The following USP25 variants were observed in gnomAD, a reference collection of about 807,000 sequenced individuals.
USP25 encodes ubiquitin carboxyl-terminal hydrolase 25.
A neutral mutation model predicts 158.5 loss-of-function variants in USP25; 85 were observed. The observed-to-expected ratio is 0.54, with a 90% CI of 0.45 to 0.64. The LOEUF (loss-of-function observed/expected upper bound fraction) is 0.64, where lower values mean the gene tolerates loss of function less well. USP25 is among the 30% of genes least tolerant of loss of function. The pLI, the probability that USP25 is intolerant of heterozygous loss-of-function variation, is 0.00. For synonymous variants in USP25, 464 were observed against 460.4 expected (o/e 1.01, Z -0.10); for missense variants, 1,242 against 1,327.3 (o/e 0.94, Z 1.00).
chr21:15,743,510 G>A (rs998958072), intron 1 of USP25, among the ~76,000 whole-genome samples: 1 of 152,202 alleles, frequency 6.6e-6, no homozygotes, highest in East Asian at 1.9e-4. Flanking sequence ...TTGCAGTTGA[G>A]TCCAGGGTTT....
chr21:15,826,193 A>G lies in USP25; in HGVS notation c.1305-11A>G, dbSNP rs758994319. The G allele has an allele frequency of 1.9e-6, 3 of 1,613,266 alleles. No individual in the cohort carries two copies. In the East Asian group the frequency reaches 6.7e-5, roughly 36 times the overall value. ...AGAAATAAAAGCATTTGTACATTTT[A>G]TGATTAACAGATATTTAAGCTATGG... On this transcript the variant is annotated splice_polypyrimidine_tract_variant and intron_variant, in intron 12 of 25. Coordinates refer to ENST00000400183, the MANE Select transcript of USP25 (RefSeq NM_001283041.3). This position sits in a 1 kb window ranked among gnomAD's most constrained non-coding sequence, Gnocchi z 4.8.
At chr21:15,846,158 A>T (rs7409956) in intron 18 of USP25, among the ~76,000 whole-genome samples, 12,322 of 23,920 alleles carry the variant, frequency 0.52, 2,772 homozygotes, top group East Asian at 0.62. Context: ...ATATATATAT[A>T]TTTTTTTTTT....
At chr21:15,833,695 T>C in intron 17 of USP25, 147 bp downstream of exon 17, 2 of 753,992 alleles carry the variant, frequency 2.7e-6, no homozygotes, top group African/African-American at 1.8e-5. Context: ...TTATCACAGT[T>C]AACAATTTAG....
chr21:15,858,305 C>T (rs1468342706), intron 20 of USP25, among the ~76,000 whole-genome samples: 1 of 151,728 alleles, frequency 6.6e-6, no homozygotes, highest in Admixed American at 6.6e-5. Context: ...GAGTCTTGCC[C>T]AAAAGGAACA....
At position 15,871,438 on chromosome 21, in the gene USP25, C is replaced by T. The variant is rs116959268; in HGVS notation, c.2885+1291C>T. ...GATATAAAAAGGCATTTCAGTGTTA[C>T]AGATAAAGAAATCAGACTTCACAGA... On this transcript the variant is annotated intron_variant, in intron 23 of 25. Transcript: ENST00000400183. Among the ~76,000 whole-genome samples the T allele has an allele frequency of 7.1e-3, 1,078 of 152,152 alleles. 9 individuals carry two copies. Among genetic ancestry groups the T allele is most frequent in the Non-Finnish European group, 0.012 (827 of 67,980 alleles).
chr21:15,810,909 A>G (rs186477119), intron 8 of USP25, among the ~76,000 whole-genome samples: 20 of 152,282 alleles, frequency 1.3e-4, no homozygotes, highest in African/African-American at 3.9e-4. Context: ...TTTAACTCCT[A>G]TGAGAGTCCT....
At chr21:15,754,745 A>G (rs934750049) in intron 1 of USP25, among the ~76,000 whole-genome samples, 1 of 152,178 alleles carries the variant, frequency 6.6e-6, no homozygotes. Context: ...ACTATAGGAA[A>G]ATTCCTCAGA....
At chr21:15,856,723 G>A (rs943323008) in intron 20 of USP25, among the ~76,000 whole-genome samples, 7 of 152,032 alleles carry the variant, frequency 4.6e-5, no homozygotes, top group Non-Finnish European at 1.5e-5. Context: ...CGCCTGCCTC[G>A]GCCTCCCAAA....
intron 9 of USP25, among the ~76,000 whole-genome samples, chr21:15,813,144 T>G (rs188147875): frequency 1.5e-4 from 23 of 152,260 alleles, no homozygotes; most frequent in African/African-American, 5.5e-4. Flanking sequence ...CTGTAGTGGA[T>G]CATGAATTTG....
At chr21:15,776,700 C>T (rs1371607920) in intron 3 of USP25, among the ~76,000 whole-genome samples, 1 of 151,842 alleles carries the variant, frequency 6.6e-6, no homozygotes, top group Non-Finnish European at 1.5e-5. Context: ...AGAAAATTAG[C>T]CAAGTGGTGC....
chr21:15,735,987 T>C (rs1274560851), intron 1 of USP25, among the ~76,000 whole-genome samples: 1 of 151,692 alleles, frequency 6.6e-6, no homozygotes, highest in Admixed American at 6.6e-5. Flanking sequence ...TGTGTATGTG[T>C]GTGTGTGTGT....
chr21:15,731,540 A>C (rs2030905806), intron 1 of USP25, among the ~76,000 whole-genome samples: 1 of 152,116 alleles, frequency 6.6e-6, no homozygotes, highest in African/African-American at 2.4e-5. Context: ...CAGCCTGCTA[A>C]ATTTTTGCTT....
chr21:15,749,025 A>AT (rs912243624), intron 1 of USP25, among the ~76,000 whole-genome samples: 25 of 149,794 alleles, frequency 1.7e-4, no homozygotes, highest in African/African-American at 4.2e-4. Context: ...TTTTTTTTTA[A>AT]TTTTTTTTTC....
intron 20 of USP25, among the ~76,000 whole-genome samples, chr21:15,853,812 C>A (rs1367299077): frequency 6.6e-6 from 1 of 152,130 alleles, no homozygotes; most frequent in Non-Finnish European, 1.5e-5. Flanking sequence ...TAATACTTAA[C>A]CGTGTTAGCG....
chr21:15,815,284 GACA>G (rs2036880189), intron 9 of USP25, among the ~76,000 whole-genome samples: 1 of 152,198 alleles, frequency 6.6e-6, no homozygotes, highest in Middle Eastern at 3.2e-3. Flanking sequence ...GGTCCTCATG[GACA>G]ACCTCTGCTA....
chr21:15,764,888 G>C (rs145109617), intron 2 of USP25, among the ~76,000 whole-genome samples: 3 of 152,128 alleles, frequency 2.0e-5, no homozygotes, highest in African/African-American at 7.2e-5. Context: ...AATTGGGGTA[G>C]GTCTTGGGGA....
intron 20 of USP25, among the ~76,000 whole-genome samples, chr21:15,855,337 C>G (rs952831878): frequency 5.3e-5 from 8 of 151,978 alleles, no homozygotes; most frequent in African/African-American, 1.2e-4. Context: ...TCTTAATCAC[C>G]TTGTTTATTC....
intron 1 of USP25, among the ~76,000 whole-genome samples, chr21:15,747,857 C>T (rs923760619): frequency 4.6e-5 from 7 of 152,240 alleles, no homozygotes; most frequent in African/African-American, 1.4e-4. Flanking sequence ...AAAAGTGAAA[C>T]GAGATAAGGG....
intron 17 of USP25, among the ~76,000 whole-genome samples, chr21:15,835,707 G>T (rs1469612477): frequency 1.3e-5 from 2 of 152,136 alleles, no homozygotes; most frequent in Admixed American, 6.5e-5. Context: ...CTTTCAGCGT[G>T]GGTTATTTAG....
Sources: allele counts gnomAD v4.1 joint callset (sites outside exome capture counted in the v4.1 genomes callset), GRCh38; gene constraint gnomAD v4.1.1; non-coding constraint Gnocchi (gnomAD v3.1); transcripts MANE v1.5; gene names NCBI Gene and HGNC (gene_info 2026-07-23, HGNC 2026-07-21).